TENM3: variants seen among roughly 807,000 people sequenced by gnomAD.
The protein encoded by TENM3 is teneurin-3.
A neutral mutation model predicts 255.1 loss-of-function variants in TENM3; 63 were observed. The ratio of observed to expected loss-of-function variants is 0.25; its 90% confidence interval spans 0.20 to 0.30. The LOEUF is 0.30. Among genes scored for constraint, TENM3 ranks in the 10% least tolerant of loss-of-function variants. TENM3 has a pLI of 1.00. For missense variants in TENM3, 2,929 were observed against 3,461.1 expected (o/e 0.85, Z 3.86); for synonymous variants, 1,306 against 1,322.3 (o/e 0.99, Z 0.27).
intron 19 of TENM3, among the ~76,000 whole-genome samples, chr4:182,750,343 C>G (rs1762285011): frequency 1.3e-5 from 2 of 152,162 alleles, no homozygotes; most frequent in African/African-American, 4.8e-5. Context: ...AAGCTCAAGC[C>G]TTTGTATGTC....
chr4:182,797,435 G>A (rs868664043), intron 27 of TENM3, among the ~76,000 whole-genome samples: 7 of 131,744 alleles, frequency 5.3e-5, no homozygotes, highest in Admixed American at 4.3e-4. Context: ...GCGAAACTCC[G>A]TCTCAAAAAA....
the TENM3 span, among the ~76,000 whole-genome samples, chr4:181,827,372 C>A: frequency 6.6e-6 from 1 of 152,178 alleles, no homozygotes; most frequent in African/African-American, 2.4e-5. Flanking sequence ...TCAGGTTCAC[C>A]TCTGTTCTTA....
At chr4:182,689,561 A>C (rs1756857894) in intron 12 of TENM3, among the ~76,000 whole-genome samples, 1 of 152,164 alleles carries the variant, frequency 6.6e-6, no homozygotes, top group African/African-American at 2.4e-5. Context: ...TCATGGCTAT[A>C]ATGTATCACA....
At chr4:181,597,964 T>G in the TENM3 span, among the ~76,000 whole-genome samples, 3 of 152,190 alleles carry the variant, frequency 2.0e-5, no homozygotes, top group Non-Finnish European at 4.4e-5. Context: ...AGGAGGAAAT[T>G]TGATACCATT....
intron 3 of TENM3, among the ~76,000 whole-genome samples, chr4:182,389,586 T>C (rs961578305): frequency 6.6e-6 from 1 of 152,156 alleles, no homozygotes; most frequent in Non-Finnish European, 1.5e-5. Context: ...AAGTGGAAAT[T>C]TGTTTAACTA....
intron 3 of TENM3, among the ~76,000 whole-genome samples, chr4:182,362,516 C>G (rs1486277818): frequency 6.6e-6 from 1 of 152,164 alleles, no homozygotes; most frequent in East Asian, 1.9e-4. Context: ...GGGTGTAGGA[C>G]CCTCCGAGCC....
chr4:182,765,081 C>G (rs1763572752), intron 22 of TENM3, among the ~76,000 whole-genome samples: 1 of 151,872 alleles, frequency 6.6e-6, no homozygotes. Context: ...AAGATGAGTT[C>G]CGATTCGTAA....
rs1739100716 is a variant in TENM3 at position 182,525,790 on chromosome 4, A to G, written c.512-75134A>G. On this transcript the variant is annotated intron_variant, in intron 3 of 27. Transcript: ENST00000511685. ...TTGCTTGAGTGGAGTACCATACTCA[A>G]AATGAAGCCAGCAAGATTTCCAAAT... Among the ~76,000 whole-genome samples, 4 of 152,240 alleles carry G rather than the reference A, an allele frequency of 2.6e-5. No homozygotes were observed. In the South Asian group the frequency reaches 8.3e-4, roughly 31 times the overall value.
In TENM3 at chr4:182,793,456, G is replaced by A. The variant is rs1766258978; in HGVS notation, c.6784G>A (p.Val2262Ile). Residue 2262 changes from valine to isoleucine, a missense_variant, in exon 26 of 28, where the codon GTC becomes ATC. Physicochemically the swap from Val to Ile is conservative, Grantham distance 29. This residue lies in a region of TENM3 where 256 missense variants were observed against 389.3 expected (regional missense o/e 0.66). Transcript: ENST00000511685. The surrounding 1 kb of genome is among the most constrained non-coding windows in gnomAD (Gnocchi z 5.7). ...DLTYPTRITHVYNHSSSEITS... is the reference protein window; with the variant it reads ...DLTYPTRITHIYNHSSSEITS... ...AACTTATCCCACTAGGATTACTCAT[G>A]TCTACAACCATTCGAGTTCAGAAAT... is the stretch of plus-strand genomic sequence containing the variant. The A allele has an allele frequency of 1.2e-6, 2 of 1,613,948 alleles. No homozygotes were observed. The highest frequency in any genetic ancestry group is 1.7e-6 in the Non-Finnish European group (2 of 1,179,878).
intron 22 of TENM3, among the ~76,000 whole-genome samples, chr4:182,765,631 C>T (rs1251749281): frequency 6.6e-6 from 1 of 152,062 alleles, no homozygotes; most frequent in Non-Finnish European, 1.5e-5. Context: ...CCTCCTTACT[C>T]ACCTCCGTTT....
chr4:181,529,254 A>T, the TENM3 span, among the ~76,000 whole-genome samples: 1 of 152,308 alleles, frequency 6.6e-6, no homozygotes, highest in Admixed American at 6.5e-5. Flanking sequence ...GCATGAGCAA[A>T]AATGAATGAG....
Position 182,722,466 on chromosome 4 carries a change from A to G in TENM3, c.2369-6499A>G, listed in dbSNP as rs575850543. On this transcript the variant is annotated intron_variant, in intron 13 of 27. Transcript: ENST00000511685. Reference sequence around the variant, plus strand: ...TCTGGGGATACGATAGTAGGGATGGATAGTGAACTAGATGAGCCCTCAAGG... The same window carrying G: ...TCTGGGGATACGATAGTAGGGATGGGTAGTGAACTAGATGAGCCCTCAAGG... 6.8e-4 allele frequency among the ~76,000 whole-genome samples: 103 copies of G among 152,318 alleles called. 2 individuals carry two copies. In the South Asian group the frequency reaches 0.021, roughly 31 times the overall value.
chr4:182,352,538 T>C (rs566374051), intron 3 of TENM3, among the ~76,000 whole-genome samples: 7 of 152,156 alleles, frequency 4.6e-5, no homozygotes, highest in Non-Finnish European at 8.8e-5. Context: ...GTACCTGTTG[T>C]CGGACCCCAC....
chr4:182,340,406 T>C (rs1427549241), intron 2 of TENM3, among the ~76,000 whole-genome samples: 1 of 152,110 alleles, frequency 6.6e-6, no homozygotes, highest in African/African-American at 2.4e-5. Flanking sequence ...CAATATGTGG[T>C]TATGGGTATT....
chr4:182,757,685 T>C (rs1438229211), intron 22 of TENM3, among the ~76,000 whole-genome samples: 1 of 152,194 alleles, frequency 6.6e-6, no homozygotes, highest in Non-Finnish European at 1.5e-5. Flanking sequence ...TATATTTCTC[T>C]AGTAACAAAT....
the TENM3 span, among the ~76,000 whole-genome samples, chr4:181,968,282 A>C: frequency 6.6e-6 from 1 of 152,150 alleles, no homozygotes; most frequent in Non-Finnish European, 1.5e-5. Flanking sequence ...TGTGAATTAC[A>C]TGCTTGGTCC....
At chr4:181,448,806 G>GT in the TENM3 span, among the ~76,000 whole-genome samples, 365 of 152,020 alleles carry the variant, frequency 2.4e-3, 10 homozygotes, top group Admixed American at 0.022. Context: ...GCAGCTTCAC[G>GT]TTTTTTTACT....
At position 182,628,850 on chromosome 4, in the gene TENM3, G is replaced by C. The variant is rs774320702; in HGVS notation, c.949G>C (p.Val317Leu). The change falls in exon 5 of 28, where the codon GTC becomes CTC. Residue 317 changes from valine (V) to leucine (L), a missense_variant. Val to Leu is a conservative substitution (Grantham distance 32, BLOSUM62 1). This residue lies in a region of TENM3 where 1,608 missense variants were observed against 1,884.4 expected (regional missense o/e 0.85). Transcript: ENST00000511685. ...ATGCACTGCACTGTGTGCCGTAGGG[G>C]TCTCGGTGCTCCTGGCAATACTCCT... is the stretch of plus-strand genomic sequence containing the variant. ...WKCTALCAVG[V>L]SVLLAILLSY... The C allele has an allele frequency of 6.2e-7, 1 of 1,608,584 alleles. No individual in the cohort carries two copies. The highest frequency in any genetic ancestry group is 1.1e-5 in the South Asian group (1 of 89,826).
At chr4:181,951,096 A>C in the TENM3 span, among the ~76,000 whole-genome samples, 1 of 152,226 alleles carries the variant, frequency 6.6e-6, no homozygotes, top group Non-Finnish European at 1.5e-5. Flanking sequence ...GCCATAGATC[A>C]GCTTTAAAAA....
Sources: gnomAD v4.1 joint callset for allele counts (sites outside exome capture counted in the v4.1 genomes callset) on GRCh38, gnomAD v4.1.1 for gene constraint, gnomAD v4.1.1 regional missense constraint, Gnocchi (gnomAD v3.1) non-coding constraint, MANE v1.5 for transcripts, NCBI Gene and HGNC (gene_info 2026-07-23, HGNC 2026-07-21) for gene names.